The following FAM169A variants were observed in gnomAD, a reference collection of about 807,000 sequenced individuals.
FAM169A encodes the protein family with sequence similarity 169 member A, also known as soluble lamin-associated protein of 75 kDa.
A neutral mutation model predicts 75.7 loss-of-function variants in FAM169A; 24 were observed. The ratio of observed to expected loss-of-function variants is 0.32; its 90% CI spans 0.23 to 0.45. FAM169A has a LOEUF of 0.45. Among genes scored for constraint, FAM169A ranks in the 20% least tolerant of loss-of-function variants. The pLI is 1.00. For missense variants in FAM169A, 673 were observed against 784.0 expected (o/e 0.86, Z 1.69); for synonymous variants, 271 against 271.0 (o/e 1.00, Z 0.00).
intron 11 of FAM169A, among the ~76,000 whole-genome samples, chr5:74,787,930 C>G (rs969429972): frequency 6.6e-6 from 1 of 152,076 alleles, no homozygotes; most frequent in Admixed American, 6.5e-5. Flanking sequence ...ACTTGAGCCA[C>G]TTTATAGACC....
chr5:74,836,458 G>A (rs552926052), intron 4 of FAM169A, among the ~76,000 whole-genome samples: 25 of 152,254 alleles, frequency 1.6e-4, no homozygotes, highest in Admixed American at 1.4e-3. Context: ...TACTACTGAG[G>A]ACCTCCCGTC....
rs376028818 is a variant in FAM169A, at chr5:74,813,826, C to A, written c.670+14G>T. On this transcript the variant is annotated intron_variant, in intron 6 of 12. Transcript: ENST00000687041. ...CAAAGACAAGTTTATTATTTTTTAA[C>A]TTAGTCCATTTACCTGTATACATGA... 3 of 1,504,816 alleles carry A rather than the reference C, an allele frequency of 2.0e-6. No homozygotes were observed. The highest frequency in any genetic ancestry group is 2.8e-5 in the African/African-American group (2 of 70,590). The allele number at this position is 1,504,816 out of a possible 1,614,324, so 93.2% of individuals were successfully genotyped here.
At chr5:74,788,801 G>A (rs538021885) in intron 11 of FAM169A, among the ~76,000 whole-genome samples, 2 of 152,264 alleles carry the variant, frequency 1.3e-5, no homozygotes, top group African/African-American at 2.4e-5. Flanking sequence ...GGACGGTGCA[G>A]GGGTGGTGAT....
chr5:74,799,787 T>C, intron 10 of FAM169A: 1 of 1,109,306 alleles, frequency 9.0e-7, no homozygotes, highest in East Asian at 2.4e-5. Flanking sequence ...CTGCTGGCCA[T>C]GACTGCTGAC....
chr5:74,863,151 C>T (rs1291434451), intron 1 of FAM169A, among the ~76,000 whole-genome samples: 1 of 151,980 alleles, frequency 6.6e-6, no homozygotes, highest in Non-Finnish European at 1.5e-5. Context: ...GTATCATATA[C>T]CAACTCTAAA....
intron 11 of FAM169A, 149 bp downstream of exon 11, chr5:74,795,881 C>CTGACCT: frequency 6.1e-6 from 4 of 660,314 alleles, no homozygotes; most frequent in Non-Finnish European, 9.6e-6. Context: ...ACTCTAGTAC[C>CTGACCT]TGACCTTGCT....
intron 6 of FAM169A, among the ~76,000 whole-genome samples, chr5:74,811,165 ATG>A: frequency 6.6e-6 from 1 of 152,020 alleles, no homozygotes; most frequent in Non-Finnish European, 1.5e-5. Context: ...CACATTTTTA[ATG>A]GAGATGGAAT....
In FAM169A at chr5:74,787,449, T is replaced by C. The variant is rs184651718; in HGVS notation, c.1261-4315A>G. Among the ~76,000 whole-genome samples, 108 of 152,336 alleles carry C rather than the reference T, an allele frequency of 7.1e-4. 1 individual carries two copies. Among genetic ancestry groups the C allele is most frequent in the African/African-American group, 2.5e-3 (104 of 41,578 alleles). On this transcript the variant is annotated intron_variant, in intron 11 of 12. Coordinates refer to ENST00000687041, the MANE Select transcript of FAM169A (RefSeq NM_001376049.1). ...GGATGGTGGAGTGGATTAGTCACTTTAGACCTACTCATCCCAGCTGGGAGG... is the reference window on the plus strand; with the variant it reads ...GGATGGTGGAGTGGATTAGTCACTTCAGACCTACTCATCCCAGCTGGGAGG...
chr5:74,829,941 C>G (rs1307804355), intron 5 of FAM169A, among the ~76,000 whole-genome samples: 1 of 152,056 alleles, frequency 6.6e-6, no homozygotes, highest in Non-Finnish European at 1.5e-5. Context: ...CCACTGTACT[C>G]CAGCCAGCCT....
intron 11 of FAM169A, among the ~76,000 whole-genome samples, chr5:74,786,664 T>C (rs1163292978): frequency 6.6e-6 from 1 of 152,214 alleles, no homozygotes; most frequent in African/African-American, 2.4e-5. Context: ...AACTCAGGGA[T>C]TCTAACTCCT....
intron 10 of FAM169A, among the ~76,000 whole-genome samples, chr5:74,797,780 G>A (rs1746355850): frequency 6.6e-6 from 1 of 150,668 alleles, no homozygotes; most frequent in African/African-American, 2.4e-5. Flanking sequence ...GTGTAGATAA[G>A]GAGTCAGCAA....
chr5:74,800,448 T>C (rs992301628), intron 10 of FAM169A, among the ~76,000 whole-genome samples: 3 of 152,238 alleles, frequency 2.0e-5, no homozygotes, highest in African/African-American at 7.2e-5. Flanking sequence ...CTTAAAACCA[T>C]ACCATCAAAT....
At chr5:74,825,610 G>T (rs1747981483) in intron 5 of FAM169A, among the ~76,000 whole-genome samples, 2 of 152,036 alleles carry the variant, frequency 1.3e-5, no homozygotes, top group African/African-American at 4.8e-5. Flanking sequence ...GTATATAAAA[G>T]GTAAATTGTT....
At chr5:74,850,525 G>A (rs1281676018) in intron 1 of FAM169A, among the ~76,000 whole-genome samples, 1 of 152,208 alleles carries the variant, frequency 6.6e-6, no homozygotes, top group Non-Finnish European at 1.5e-5. Flanking sequence ...TTTTGAGAGT[G>A]TGTGAAAGCT....
intron 11 of FAM169A, among the ~76,000 whole-genome samples, chr5:74,785,750 T>C (rs1177806059): frequency 2.0e-5 from 3 of 152,186 alleles, no homozygotes; most frequent in African/African-American, 7.2e-5. Flanking sequence ...TGACAGAGAA[T>C]CTGTCTCAAA....
chr5:74,813,317 T>C (rs549096707), intron 6 of FAM169A, among the ~76,000 whole-genome samples: 2 of 151,838 alleles, frequency 1.3e-5, no homozygotes, highest in Non-Finnish European at 2.9e-5. Flanking sequence ...GCATATGTTG[T>C]TTTGTTTGGT....
rs1288440236 is a variant in FAM169A, at chr5:74,866,347, T to TCGGCCGCGGC, written c.-196_-187dup. 1.1e-5 allele frequency: 11 copies of TCGGCCGCGGC among 983,344 alleles called. No individual in the cohort carries two copies. In the African/African-American group the frequency reaches 1.9e-4, roughly 17 times the overall value. The allele number at this position is 983,344 out of a possible 1,614,324, so 60.9% of individuals were successfully genotyped here. A position where few individuals can be genotyped will look rare whatever the true frequency, so the allele number is the denominator to read the frequency against. Reference sequence around the variant, plus strand: ...CGGACGCCCGGCTCCTCGTCGCGGGTCGGCCGCGGCCCACCGTGCCCTCCG... The same window carrying TCGGCCGCGGC: ...CGGACGCCCGGCTCCTCGTCGCGGGTCGGCCGCGGCCGGCCGCGGCCCACCGTGCCCTCCG... On this transcript the variant is annotated 5_prime_UTR_variant, in exon 1 of 13. Coordinates refer to ENST00000687041, the MANE Select transcript of FAM169A (RefSeq NM_001376049.1).
chr5:74,817,389 T>C (rs561507076), intron 5 of FAM169A, among the ~76,000 whole-genome samples: 1 of 152,090 alleles, frequency 6.6e-6, no homozygotes, highest in African/African-American at 2.4e-5. Context: ...ATCATTTGTA[T>C]TTCCACACAT....
chr5:74,802,400 G>A lies in FAM169A; in HGVS notation c.913-771C>T, dbSNP rs1275417386. On this transcript the variant is annotated intron_variant, in intron 8 of 12. Coordinates refer to ENST00000687041, the MANE Select transcript of FAM169A (RefSeq NM_001376049.1). ...ATTTTTTTGATAAAAAAAAAAAGAG[G>A]AAAAAACTTTTAATGGCCAACCACT... Among the ~76,000 whole-genome samples the A allele has an allele frequency of 5.3e-5, 8 of 151,430 alleles. No homozygotes were observed. The South Asian group carries it at 1.0e-3, about 20-fold the overall frequency.
Sources: allele counts gnomAD v4.1 joint callset (sites outside exome capture counted in the v4.1 genomes callset), GRCh38; gene constraint gnomAD v4.1.1; transcripts MANE v1.5; gene names NCBI Gene and HGNC (gene_info 2026-07-23, HGNC 2026-07-21).